Variants in DLG2 observed in about 807,000 individuals in gnomAD.
DLG2 encodes the protein discs large MAGUK scaffold protein 2, also known as disks large homolog 2.
DLG2 carries 45 observed loss-of-function variants against 132.5 expected under a neutral mutation model. The observed-to-expected ratio is 0.34, with a 90% confidence interval of 0.27 to 0.44. DLG2 has a LOEUF of 0.44. DLG2 is among the 20% of genes least tolerant of loss of function. The pLI is 1.00. For synonymous variants in DLG2, 424 were observed against 419.6 expected (o/e 1.01, Z -0.13); for missense variants, 1,045 against 1,196.9 (o/e 0.87, Z 1.87).
intron 6 of DLG2, among the ~76,000 whole-genome samples, chr11:84,954,768 T>A (rs1243120829): frequency 2.6e-5 from 4 of 152,218 alleles, no homozygotes; most frequent in African/African-American, 9.7e-5. Context: ...ATTTTTCTTG[T>A]CTGTTTTATT....
intron 6 of DLG2, among the ~76,000 whole-genome samples, chr11:84,866,569 G>T (rs557596416): frequency 7.6e-4 from 116 of 152,168 alleles, no homozygotes; most frequent in Non-Finnish European, 1.3e-3. Flanking sequence ...ATTTGAGCCT[G>T]GCTATTTGAG....
chr11:85,162,968 A>T (rs190574055), intron 4 of DLG2, among the ~76,000 whole-genome samples: 2 of 152,240 alleles, frequency 1.3e-5, no homozygotes, highest in African/African-American at 4.8e-5. Context: ...CTGGATAGGC[A>T]CCATCTAATA....
At chr11:84,845,463 G>A (rs192085665) in intron 6 of DLG2, among the ~76,000 whole-genome samples, 1 of 152,128 alleles carries the variant, frequency 6.6e-6, no homozygotes, top group Admixed American at 6.6e-5. Flanking sequence ...TGAATATATG[G>A]AAATAATATA....
At chr11:84,221,112 G>A (rs1467846465) in intron 8 of DLG2, among the ~76,000 whole-genome samples, 1 of 151,696 alleles carries the variant, frequency 6.6e-6, no homozygotes, top group African/African-American at 2.4e-5. Flanking sequence ...TCACATGCAT[G>A]AACTTAAGCA....
chr11:84,040,525 A>G lies in DLG2; in HGVS notation c.919+18790T>C, dbSNP rs1170690696. 3.9e-5 allele frequency among the ~76,000 whole-genome samples: 6 copies of G among 151,942 alleles called. No homozygotes were observed. In the East Asian group the frequency reaches 7.8e-4, roughly 20 times the overall value. On this transcript the variant is annotated intron_variant, in intron 11 of 27. Transcript: ENST00000376104. ...TTCTCAGGTTTGTCAAAGATCAGAT[A>G]GTTGTAGATATGCGGCATTATTTCT...
chr11:83,846,453 T>G (rs1006919277), intron 16 of DLG2, among the ~76,000 whole-genome samples: 4 of 152,240 alleles, frequency 2.6e-5, no homozygotes, highest in Non-Finnish European at 5.9e-5. Context: ...GTTACATTGT[T>G]CTGTTTCTAC....
intron 6 of DLG2, among the ~76,000 whole-genome samples, chr11:85,071,732 G>A (rs1006152846): frequency 1.3e-5 from 2 of 151,752 alleles, no homozygotes; most frequent in Non-Finnish European, 2.9e-5. Flanking sequence ...TAGGGAAGAA[G>A]CATGCCTTAA....
intron 10 of DLG2, 21 bp downstream of exon 10, chr11:84,098,902 T>C (rs1291650261): frequency 6.2e-7 from 1 of 1,609,912 alleles, no homozygotes; most frequent in Non-Finnish European, 8.5e-7. Context: ...TCAAAATCAT[T>C]CTAATGTTTC....
rs570435058 is a variant in DLG2 at position 84,923,144 on chromosome 11, C to T, written c.357+188517G>A. On this transcript the variant is annotated intron_variant, in intron 6 of 27. Transcript: ENST00000376104. The stretch of plus-strand genomic sequence containing the variant: ...TGCAGTAAATAAGGAGCATATGGAC[C>T]GGTATTCAGCTTCTCAGCACAGCGC... 3.0e-5 allele frequency: 48 copies of T among 1,613,436 alleles called. No homozygotes were observed. The Admixed American group carries it at 7.5e-4, about 25-fold the overall frequency.
At chr11:84,131,920 GTGAATATGACCCT>G (rs1380251784) in intron 9 of DLG2, among the ~76,000 whole-genome samples, 1 of 151,452 alleles carries the variant, frequency 6.6e-6, no homozygotes, top group Non-Finnish European at 1.5e-5. Context: ...ATATATGTAT[GTGAATATGACCCT>G]TCTTCTACTT....
At chr11:84,210,913 C>G (rs935555359) in intron 8 of DLG2, among the ~76,000 whole-genome samples, 6 of 152,166 alleles carry the variant, frequency 3.9e-5, no homozygotes, top group Non-Finnish European at 8.8e-5. Context: ...AAGTGTTACA[C>G]AAGCGTATTC....
chr11:83,461,268 C>T (rs962686877), intron 27 of DLG2, among the ~76,000 whole-genome samples: 1 of 152,070 alleles, frequency 6.6e-6, no homozygotes, highest in Admixed American at 6.6e-5. Context: ...ACCTCAGCCT[C>T]CCAAAGTGCT....
intron 7 of DLG2, among the ~76,000 whole-genome samples, chr11:84,262,962 G>A (rs774167401): frequency 2.6e-5 from 4 of 152,060 alleles, no homozygotes; most frequent in Non-Finnish European, 5.9e-5. Flanking sequence ...TTCCTGCATG[G>A]CTATAAAAAA....
chr11:83,737,232 T>C (rs1267718681), intron 18 of DLG2, among the ~76,000 whole-genome samples: 2 of 152,212 alleles, frequency 1.3e-5, no homozygotes, highest in Non-Finnish European at 2.9e-5. Flanking sequence ...GAAGCTGTAA[T>C]AAAGTTAATA....
At chr11:85,546,565 TG>T (rs890585555) in intron 3 of DLG2, among the ~76,000 whole-genome samples, 4 of 152,168 alleles carry the variant, frequency 2.6e-5, no homozygotes, top group Admixed American at 6.5e-5. Flanking sequence ...TCTGTGTCAT[TG>T]ATCTGTCTAA....
intron 18 of DLG2, among the ~76,000 whole-genome samples, chr11:83,759,820 T>G (rs1647616361): frequency 6.6e-6 from 1 of 152,220 alleles, no homozygotes; most frequent in Admixed American, 6.5e-5. Flanking sequence ...CTATAGGTTC[T>G]ATAAAGGACA....
intron 15 of DLG2, among the ~76,000 whole-genome samples, chr11:83,901,282 G>T (rs551013603): frequency 6.6e-6 from 1 of 152,156 alleles, no homozygotes; most frequent in Non-Finnish European, 1.5e-5. Flanking sequence ...TTTGGGGGTT[G>T]TTGGGAAGGC....
In DLG2 at chr11:83,670,079, A is replaced by C. The variant is rs569847778; in HGVS notation, c.1826-36754T>G. Reference sequence around the variant, plus strand: ...TGCAATATCACATCTACCTAACTCAACCAGCTTATCCAGCTGAGGACAGGC... The same window carrying C: ...TGCAATATCACATCTACCTAACTCACCCAGCTTATCCAGCTGAGGACAGGC... On this transcript the variant is annotated intron_variant, in intron 18 of 27. Transcript: ENST00000376104. Among the ~76,000 whole-genome samples the C allele has an allele frequency of 2.4e-4, 37 of 152,270 alleles. 1 individual carries two copies. In the South Asian group the frequency reaches 7.7e-3, roughly 32 times the overall value.
At chr11:85,270,619 T>C (rs1240109309) in intron 4 of DLG2, among the ~76,000 whole-genome samples, 1 of 152,168 alleles carries the variant, frequency 6.6e-6, no homozygotes, top group Non-Finnish European at 1.5e-5. Context: ...TAGAGACTTG[T>C]TGAATGCATT....
Sources: gnomAD v4.1 joint callset for allele counts (sites outside exome capture counted in the v4.1 genomes callset) on GRCh38, gnomAD v4.1.1 for gene constraint, MANE v1.5 for transcripts, NCBI Gene and HGNC (gene_info 2026-07-23, HGNC 2026-07-21) for gene names.